The following TINAG variants were observed in gnomAD, a reference collection of about 807,000 sequenced individuals.
The protein encoded by TINAG is tubulointerstitial nephritis antigen.
In TINAG, 83 loss-of-function variants were observed where a neutral mutation model predicts 72.7. The observed-to-expected ratio is 1.14, with a 90% CI of 0.96 to 1.37. The LOEUF (loss-of-function observed/expected upper bound fraction) is 1.37. TINAG is among the 40% of genes most tolerant of loss of function. The pLI is 0.00. For missense variants in TINAG, 685 were observed against 576.6 expected (o/e 1.19, Z -1.93); for synonymous variants, 234 against 189.9 (o/e 1.23, Z -1.91).
chr6:54,341,248 G>A (rs1784989721), intron 4 of TINAG, among the ~76,000 whole-genome samples: 1 of 152,106 alleles, frequency 6.6e-6, no homozygotes, highest in African/African-American at 2.4e-5. Context: ...TTTAAGATAT[G>A]TATATTTCTG....
At chr6:54,387,591 A>G (rs1005136642) in intron 10 of TINAG, among the ~76,000 whole-genome samples, 4 of 152,288 alleles carry the variant, frequency 2.6e-5, no homozygotes, top group African/African-American at 7.2e-5. Flanking sequence ...CTGGGGTGCT[A>G]TAAGTGGTTA....
chr6:54,344,846 G>T (rs955669292), intron 5 of TINAG, among the ~76,000 whole-genome samples: 6 of 151,738 alleles, frequency 4.0e-5, no homozygotes, highest in Non-Finnish European at 7.4e-5. Context: ...TGATAAATTA[G>T]GGCAATTCTT....
intron 10 of TINAG, among the ~76,000 whole-genome samples, chr6:54,382,737 A>G (rs1333796335): frequency 2.0e-5 from 3 of 152,132 alleles, no homozygotes; most frequent in Non-Finnish European, 4.4e-5. Flanking sequence ...TGATGTGATA[A>G]GAACCAATAA....
intron 3 of TINAG, 127 bp downstream of exon 3, chr6:54,321,513 G>A (rs1784490373): frequency 3.1e-6 from 2 of 637,850 alleles, no homozygotes; most frequent in Non-Finnish European, 5.4e-6. Context: ...TAGGAAGGGA[G>A]ATAGAAAGCA....
At chr6:54,315,197 C>T (rs888092847) in intron 1 of TINAG, among the ~76,000 whole-genome samples, 8 of 152,102 alleles carry the variant, frequency 5.3e-5, no homozygotes, top group Admixed American at 2.0e-4. Context: ...TGTTCAGTTC[C>T]TCTTATTGTG....
intron 4 of TINAG, among the ~76,000 whole-genome samples, chr6:54,329,610 T>TCA (rs2150943659): frequency 6.6e-6 from 1 of 152,198 alleles, no homozygotes; most frequent in South Asian, 2.1e-4. Flanking sequence ...AAGATCAAAT[T>TCA]CACACACAAC....
At chr6:54,321,570 A>G (rs1431500313) in intron 3 of TINAG, among the ~76,000 whole-genome samples, 184 bp downstream of exon 3, 2 of 152,238 alleles carry the variant, frequency 1.3e-5, no homozygotes, top group Non-Finnish European at 2.9e-5. Context: ...TAAAATGATC[A>G]AATAATAAAT....
chr6:54,378,055 T>C (rs191059991), intron 9 of TINAG, among the ~76,000 whole-genome samples: 5 of 152,252 alleles, frequency 3.3e-5, no homozygotes, highest in East Asian at 3.9e-4. Flanking sequence ...GGAGAGGAGA[T>C]AGCTGAAGGT....
intron 10 of TINAG, among the ~76,000 whole-genome samples, chr6:54,386,948 A>T (rs527878804): frequency 2.2e-4 from 34 of 152,346 alleles, no homozygotes; most frequent in Middle Eastern, 6.8e-3. Context: ...TTTAAAAGAC[A>T]GTATTATAAG....
In TINAG at chr6:54,320,137, T is replaced by A. The variant is rs868045347; in HGVS notation, c.356-442T>A. Among the ~76,000 whole-genome samples, 7 of 152,110 alleles carry A rather than the reference T, an allele frequency of 4.6e-5. No individual in the cohort carries two copies. The South Asian group carries it at 1.0e-3, about 23-fold the overall frequency. ...TCTTTGTAAGGTAAATTCAATGAAA[T>A]GACCTGGTATTTTGAGTCCAAAGCT... On this transcript the variant is annotated intron_variant, in intron 1 of 10. Coordinates refer to ENST00000259782, the MANE Select transcript of TINAG (RefSeq NM_014464.4).
chr6:54,332,989 AGAAATAG>A (rs1366962336), intron 4 of TINAG, among the ~76,000 whole-genome samples: 2 of 152,198 alleles, frequency 1.3e-5, no homozygotes, highest in African/African-American at 4.8e-5. Context: ...GAGGATGTGG[AGAAATAG>A]GAATGCTTTT....
chr6:54,381,774 A>G (rs1763957075), intron 10 of TINAG, among the ~76,000 whole-genome samples: 2 of 152,264 alleles, frequency 1.3e-5, no homozygotes, highest in South Asian at 2.1e-4. Context: ...GATTTTTATT[A>G]AATAAATTTG....
intron 5 of TINAG, among the ~76,000 whole-genome samples, chr6:54,344,989 T>C (rs1296551490): frequency 1.3e-5 from 2 of 152,194 alleles, no homozygotes; most frequent in Non-Finnish European, 2.9e-5. Flanking sequence ...TAAATAAGAC[T>C]TAAAAATATG....
intron 3 of TINAG, among the ~76,000 whole-genome samples, chr6:54,326,272 A>G (rs1784599452): frequency 1.3e-5 from 2 of 151,908 alleles, no homozygotes; most frequent in East Asian, 3.9e-4. Context: ...CTCATTTAAT[A>G]TATAATAGAA....
Position 54,365,982 on chromosome 6 carries a change from T to A in TINAG, c.1250+11346T>A, listed in dbSNP as rs9367567. Among the ~76,000 whole-genome samples the A allele has an allele frequency of 8.8e-3, 1,339 of 151,692 alleles. 28 individuals carry two copies. The highest frequency in any genetic ancestry group is 0.053 in the East Asian group (270 of 5,126). ...GAGTTCATGAACAGACTGGGCAACATAGAGACCTTGTCTCAAAAATATGAA... is the reference window on the plus strand; with the variant it reads ...GAGTTCATGAACAGACTGGGCAACAAAGAGACCTTGTCTCAAAAATATGAA... On this transcript the variant is annotated intron_variant, in intron 9 of 10. Coordinates refer to ENST00000259782, the MANE Select transcript of TINAG (RefSeq NM_014464.4).
chr6:54,329,174 A>G (rs898541302), intron 4 of TINAG, among the ~76,000 whole-genome samples: 1 of 152,164 alleles, frequency 6.6e-6, no homozygotes, highest in Non-Finnish European at 1.5e-5. Context: ...CATAATCACT[A>G]GATTCACCAC....
At chr6:54,325,901 T>C (rs1266443229) in intron 3 of TINAG, among the ~76,000 whole-genome samples, 1 of 152,162 alleles carries the variant, frequency 6.6e-6, no homozygotes, top group Non-Finnish European at 1.5e-5. Flanking sequence ...AGGTATATTA[T>C]TAAAAATTAA....
chr6:54,372,329 G>T (rs532234830), intron 9 of TINAG, among the ~76,000 whole-genome samples: 1 of 152,010 alleles, frequency 6.6e-6, no homozygotes, highest in African/African-American at 2.4e-5. Flanking sequence ...TTCAGATTTT[G>T]GGATGCCTGT....
rs920658538 is a variant in TINAG at position 54,326,323 on chromosome 6, A to T, written c.510-479A>T. On this transcript the variant is annotated intron_variant, in intron 3 of 10. Coordinates refer to ENST00000259782, the MANE Select transcript of TINAG (RefSeq NM_014464.4). ...TTAATTAGATTTTTAATTAATTTTT[A>T]AAAATCTGATGTCATTTTTAAAAAT... Among the ~76,000 whole-genome samples, 7 of 151,920 alleles carry T rather than the reference A, an allele frequency of 4.6e-5. 1 individual carries two copies. The highest frequency in any genetic ancestry group is 1.4e-4 in the African/African-American group (6 of 41,450).
Sources: allele counts gnomAD v4.1 joint callset (sites outside exome capture counted in the v4.1 genomes callset), GRCh38; gene constraint gnomAD v4.1.1; transcripts MANE v1.5; gene names NCBI Gene and HGNC (gene_info 2026-07-23, HGNC 2026-07-21).